ANKRD30B: variants seen among roughly 807,000 people sequenced by gnomAD.
The protein encoded by ANKRD30B is ankyrin repeat domain 30B, also known as ankyrin repeat domain-containing protein 30B.
Under a neutral mutation model 202.2 loss-of-function variants are expected in ANKRD30B, and 144 were observed. That is an observed-to-expected ratio of 0.71 (90% CI 0.62 to 0.82). ANKRD30B has a LOEUF of 0.82. ANKRD30B is among the 40% of genes least tolerant of loss of function. ANKRD30B has a pLI of 0.00. For missense variants in ANKRD30B, 1,487 were observed against 1,669.1 expected (o/e 0.89, Z 1.90); for synonymous variants, 508 against 561.3 (o/e 0.91, Z 1.34).
At chr18:14,882,299 G>T in the ANKRD30B span, among the ~76,000 whole-genome samples, 1 of 152,144 alleles carries the variant, frequency 6.6e-6, no homozygotes, top group Non-Finnish European at 1.5e-5. Context: ...CAGAGGTCTT[G>T]ATAGGTTGTG....
chr18:14,792,105 C>T (rs745563444), intron 16 of ANKRD30B, among the ~76,000 whole-genome samples: 1 of 152,122 alleles, frequency 6.6e-6, no homozygotes, highest in Admixed American at 6.6e-5. Flanking sequence ...CCGTATAGAC[C>T]ATAAGTTTTC....
chr18:14,879,473 C>T, the ANKRD30B span, among the ~76,000 whole-genome samples: 10 of 152,224 alleles, frequency 6.6e-5, no homozygotes, highest in Admixed American at 5.2e-4. Context: ...CCCTCGCTGC[C>T]GTGCAGTCCT....
In ANKRD30B at chr18:14,809,372, G is replaced by A. The variant is rs1480398039; in HGVS notation, c.2387-614G>A. Among the ~76,000 whole-genome samples, 2 of 150,934 alleles carry A rather than the reference G, an allele frequency of 1.3e-5. 1 individual carries two copies. The highest frequency in any genetic ancestry group is 3.0e-5 in the Non-Finnish European group (2 of 67,780). On this transcript the variant is annotated intron_variant, in intron 26 of 43. Transcript: ENST00000690538. ...ATATTAATCAGCAGTAACAGTTGCA[G>A]CAAAAGCTGGTTAGAAACAATCCAT...
At chr18:14,758,872 C>A (rs1184075390) in intron 5 of ANKRD30B, among the ~76,000 whole-genome samples, 3 of 152,166 alleles carry the variant, frequency 2.0e-5, no homozygotes, top group Non-Finnish European at 4.4e-5. Flanking sequence ...ATATTCCTGG[C>A]ACTTTATATC....
intron 32 of ANKRD30B, among the ~76,000 whole-genome samples, chr18:14,827,119 G>T (rs1224377705): frequency 6.6e-6 from 1 of 152,146 alleles, no homozygotes; most frequent in East Asian, 1.9e-4. Context: ...CACATCAGAA[G>T]GAGGATCATC....
intron 33 of ANKRD30B, among the ~76,000 whole-genome samples, chr18:14,830,565 A>G (rs868292904): frequency 3.3e-5 from 5 of 152,310 alleles, no homozygotes; most frequent in Middle Eastern, 6.8e-3. Context: ...AGTGGTTTTT[A>G]TGCTGAAAAA....
At chr18:14,763,575 G>T in intron 6 of ANKRD30B, 111 bp from the exon 7 acceptor site, 1 of 1,447,616 alleles carries the variant, frequency 6.9e-7, no homozygotes, top group African/African-American at 1.4e-5. Context: ...GAAAAGAAAA[G>T]TTTGGTAATA....
intron 22 of ANKRD30B, among the ~76,000 whole-genome samples, chr18:14,800,150 T>C (rs2144000386): frequency 6.6e-6 from 1 of 151,314 alleles, no homozygotes; most frequent in Admixed American, 6.6e-5. Context: ...GAGAATTGCT[T>C]GAACCCATGA....
At chr18:14,912,332 A>C in the ANKRD30B span, among the ~76,000 whole-genome samples, 1 of 152,220 alleles carries the variant, frequency 6.6e-6, no homozygotes, top group African/African-American at 2.4e-5. Flanking sequence ...TCATGAAAGA[A>C]TGCTGAATTT....
the ANKRD30B span, among the ~76,000 whole-genome samples, chr18:14,885,621 G>T: frequency 6.6e-6 from 1 of 151,924 alleles, no homozygotes; most frequent in Non-Finnish European, 1.5e-5. Context: ...ACTACAGCTA[G>T]GTCCCCTCGT....
At position 14,810,192 on chromosome 18, in the gene ANKRD30B, A is replaced by G. The variant is rs1448941559; in HGVS notation, c.2488+12A>G. ...AACATTAAAAGCAGGTAAACTTTGT[A>G]ATTTAAATTTTACTCTGGAATTAAG... On this transcript the variant is annotated intron_variant, in intron 28 of 43. Transcript: ENST00000690538. 2.3e-6 allele frequency: 3 copies of G among 1,328,484 alleles called. No individual in the cohort carries two copies. Among genetic ancestry groups the G allele is most frequent in the Non-Finnish European group, 3.1e-6 (3 of 970,856 alleles). The allele number at this position is 1,328,484 out of a possible 1,614,324, so 82.3% of individuals were successfully genotyped here. A position where few individuals can be genotyped will look rare whatever the true frequency, so the allele number is the denominator to read the frequency against.
intron 9 of ANKRD30B, 81 bp from the exon 10 acceptor site, chr18:14,777,904 C>A (rs74984477): frequency 0.025 from 23,918 of 968,690 alleles, 378 homozygotes; most frequent in Non-Finnish European, 0.031. Flanking sequence ...GATCACACCA[C>A]TGAGCCACCC....
At chr18:14,821,576 G>A (rs1448947071) in intron 30 of ANKRD30B, among the ~76,000 whole-genome samples, 5 of 152,120 alleles carry the variant, frequency 3.3e-5, no homozygotes, top group African/African-American at 9.7e-5. Flanking sequence ...TCACAGCTCC[G>A]GCTCCCAAGT....
chr18:14,878,293 A>T, the ANKRD30B span, among the ~76,000 whole-genome samples: 1 of 152,174 alleles, frequency 6.6e-6, no homozygotes, highest in Non-Finnish European at 1.5e-5. Flanking sequence ...TGTTAACTTG[A>T]TTATCTACCC....
At chr18:14,880,914 C>G in the ANKRD30B span, among the ~76,000 whole-genome samples, 1 of 152,140 alleles carries the variant, frequency 6.6e-6, no homozygotes, top group Non-Finnish European at 1.5e-5. Context: ...AGAAGAGCTA[C>G]TGATTTGTGT....
the ANKRD30B span, among the ~76,000 whole-genome samples, chr18:14,895,254 C>G: frequency 3.3e-4 from 50 of 151,216 alleles, no homozygotes; most frequent in Non-Finnish European, 6.3e-4. Flanking sequence ...AGGTAAAGAC[C>G]TGCACATGTA....
At chr18:14,847,589 T>C (rs1231886331) in intron 39 of ANKRD30B, among the ~76,000 whole-genome samples, 1 of 140,472 alleles carries the variant, frequency 7.1e-6, no homozygotes, top group African/African-American at 2.7e-5. Context: ...CTTGTATCTC[T>C]AGAAGTGCAA....
the ANKRD30B span, among the ~76,000 whole-genome samples, chr18:14,892,742 CAAAAA>C: frequency 1.4e-5 from 1 of 72,900 alleles, no homozygotes. Flanking sequence ...TCTGTTTCAC[CAAAAA>C]AAAAAAAAAA....
At chr18:14,756,011 T>G (rs1439541235) in intron 4 of ANKRD30B, among the ~76,000 whole-genome samples, 13 of 152,200 alleles carry the variant, frequency 8.5e-5, no homozygotes, top group African/African-American at 1.2e-4. Flanking sequence ...CTAGTTTACA[T>G]TCCCACCAAC....
Sources: gnomAD v4.1 joint callset for allele counts (sites outside exome capture counted in the v4.1 genomes callset) on GRCh38, gnomAD v4.1.1 for gene constraint, MANE v1.5 for transcripts, NCBI Gene and HGNC (gene_info 2026-07-23, HGNC 2026-07-21) for gene names.